The following RALGAPB variants were observed in gnomAD, a reference collection of about 807,000 sequenced individuals.
The protein encoded by RALGAPB is Ral GTPase activating protein non-catalytic subunit beta, also known as ral GTPase-activating protein subunit beta.
Under a neutral mutation model 161.1 loss-of-function variants are expected in RALGAPB, and 25 were observed. The observed-to-expected ratio is 0.16, with a 90% confidence interval of 0.11 to 0.22. RALGAPB has a LOEUF of 0.22. Among genes scored for constraint, RALGAPB ranks in the 10% least tolerant of loss-of-function variants. The pLI is 1.00. For missense variants in RALGAPB, 1,391 were observed against 1,815.2 expected, an observed-to-expected ratio of 0.77 and a Z score of 4.25; for synonymous variants, 629 against 626.1, an observed-to-expected ratio of 1.00 and a Z score of -0.07.
At chr20:38,516,922 T>C (rs2086143902) in intron 7 of RALGAPB, among the ~76,000 whole-genome samples, 1 of 152,220 alleles carries the variant, frequency 6.6e-6, no homozygotes, top group Admixed American at 6.5e-5. Flanking sequence ...AAAATATTTA[T>C]GTATACTTAT....
intron 18 of RALGAPB, among the ~76,000 whole-genome samples, chr20:38,542,659 C>T (rs2087009347): frequency 1.3e-5 from 2 of 152,078 alleles, no homozygotes; most frequent in South Asian, 4.1e-4. Context: ...GGGTGGATCA[C>T]AGGGTCAAGA....
At chr20:38,567,826 T>C (rs1483567386) in intron 26 of RALGAPB, among the ~76,000 whole-genome samples, 1 of 152,222 alleles carries the variant, frequency 6.6e-6, no homozygotes, top group Non-Finnish European at 1.5e-5. Context: ...TCCTCCATTG[T>C]ACAGGATTTT....
chr20:38,574,858 G>A lies in RALGAPB; in HGVS notation c.4376G>A (p.Arg1459Gln), dbSNP rs1601102692. 2 of 1,613,584 alleles carry A rather than the reference G, an allele frequency of 1.2e-6. No individual in the cohort carries two copies. The highest frequency in any genetic ancestry group is 1.7e-6 in the Non-Finnish European group (2 of 1,179,560). Reference protein sequence around the residue: ...SDSYSPPHVRRKQKITDIVNK... With the variant: ...SDSYSPPHVRQKQKITDIVNK... ...TCCTACAGTCCCCCCCATGTCCGCCGGAAACAGAAAATCACCGACATTGTC... is the reference window on the plus strand; with the variant it reads ...TCCTACAGTCCCCCCCATGTCCGCCAGAAACAGAAAATCACCGACATTGTC... The change falls in exon 30 of 30, where the codon CGG becomes CAG. Residue 1459 changes from arginine to glutamine, a missense_variant. Around this residue, in one of 3 missense-constraint regions of RALGAPB, gnomAD observed 436 missense variants for 527.0 expected, o/e 0.83. Transcript: ENST00000262879.
intron 18 of RALGAPB, among the ~76,000 whole-genome samples, chr20:38,542,126 A>G (rs946486376): frequency 2.6e-5 from 4 of 152,196 alleles, no homozygotes; most frequent in African/African-American, 9.6e-5. Flanking sequence ...ACCATAGTAC[A>G]CGTGGAAAGA....
intron 12 of RALGAPB, 93 bp downstream of exon 12, chr20:38,525,611 T>C (rs1438696230): frequency 9.8e-7 from 1 of 1,019,198 alleles, no homozygotes; most frequent in Admixed American, 2.4e-5. Flanking sequence ...CAGGAGCTTT[T>C]TTTATTTTTC....
At chr20:38,519,873 T>G (rs559855476) in intron 9 of RALGAPB, among the ~76,000 whole-genome samples, 1 of 152,340 alleles carries the variant, frequency 6.6e-6, no homozygotes, top group South Asian at 2.1e-4. Context: ...AAGTGTTTGC[T>G]TCTTTGAACT....
intron 4 of RALGAPB, 46 bp downstream of exon 4, chr20:38,497,562 C>T (rs186156711): frequency 1.9e-4 from 290 of 1,560,126 alleles, no homozygotes; most frequent in Admixed American, 5.4e-4. Context: ...GCTCCAAATA[C>T]AGTTCATCTT....
At chr20:38,559,514 G>A (rs190125644) in intron 23 of RALGAPB, among the ~76,000 whole-genome samples, 46 of 152,324 alleles carry the variant, frequency 3.0e-4, no homozygotes, top group African/African-American at 1.1e-3. Context: ...GGCCAACATG[G>A]TGGAACCCTG....
intron 2 of RALGAPB, among the ~76,000 whole-genome samples, chr20:38,490,805 C>T (rs1031420703): frequency 4.0e-5 from 6 of 151,628 alleles, no homozygotes; most frequent in Non-Finnish European, 8.8e-5. Flanking sequence ...CCACTGCACC[C>T]GGCCAATTTT....
chr20:38,511,350 T>G (rs1007881175), intron 6 of RALGAPB, among the ~76,000 whole-genome samples: 1 of 151,712 alleles, frequency 6.6e-6, no homozygotes, highest in Non-Finnish European at 1.5e-5. Flanking sequence ...TTTTTAGTAT[T>G]TATTGATCAT....
chr20:38,576,972 A>C lies in RALGAPB; in HGVS notation c.*2005A>C, dbSNP rs573245830. 133 of 152,750 alleles carry C rather than the reference A, an allele frequency of 8.7e-4. No individual in the cohort carries two copies. The highest frequency in any genetic ancestry group is 8.2e-4 in the Non-Finnish European group (56 of 68,038). The allele number at this position is 152,750 out of a possible 1,614,324, so 9.5% of individuals were successfully genotyped here. A position where few individuals can be genotyped will look rare whatever the true frequency, so the allele number is the denominator to read the frequency against. ...GTGTGTATGAGGGTTGGTCTTGCTG[A>C]TCCTTCAGTTAGCTCTAAATTCTGG... is the stretch of plus-strand genomic sequence containing the variant. On this transcript the variant is annotated 3_prime_UTR_variant, in exon 30 of 30. Coordinates refer to ENST00000262879, the MANE Select transcript of RALGAPB (RefSeq NM_020336.4).
chr20:38,498,538 A>G (rs1227233221), intron 4 of RALGAPB, among the ~76,000 whole-genome samples: 1 of 152,224 alleles, frequency 6.6e-6, no homozygotes, highest in African/African-American at 2.4e-5. Flanking sequence ...CAATAGCTGG[A>G]CAGTCATTGA....
At chr20:38,546,936 A>C (rs1040965024) in intron 19 of RALGAPB, 13 of 155,102 alleles carry the variant, frequency 8.4e-5, no homozygotes, top group African/African-American at 3.1e-4. Flanking sequence ...AATACATCCA[A>C]GTGCAGGTCC....
rs376811312 is a variant in RALGAPB, at chr20:38,574,788, C to A, written c.4306C>A (p.Gln1436Lys). The A allele has an allele frequency of 6.2e-7, 1 of 1,613,768 alleles. No individual in the cohort carries two copies. Among genetic ancestry groups the A allele is most frequent in the Non-Finnish European group, 8.5e-7 (1 of 1,179,662 alleles). Residue 1436 changes from glutamine to lysine, a missense_variant, in exon 30 of 30, where the codon CAG (glutamine) becomes AAG (lysine). Gln to Lys is a moderately conservative substitution (Grantham distance 53). Around this residue, in one of 3 missense-constraint regions of RALGAPB, gnomAD observed 436 missense variants for 527.0 expected, o/e 0.83. Coordinates refer to ENST00000262879, the MANE Select transcript of RALGAPB (RefSeq NM_020336.4). Reference sequence around the variant, plus strand: ...CTATTTTCAAGGCTTTCTGGTGAGGCAGACTGTAATTAACATTTGTAGAAG... The same window carrying A: ...CTATTTTCAAGGCTTTCTGGTGAGGAAGACTGTAATTAACATTTGTAGAAG... ...SRRALGFLVR[Q>K]TVINICRRKR... is the part of the protein sequence containing the mutation.
intron 16 of RALGAPB, among the ~76,000 whole-genome samples, chr20:38,538,699 A>G (rs776993936): frequency 3.9e-5 from 6 of 152,210 alleles, no homozygotes; most frequent in Non-Finnish European, 7.3e-5. Flanking sequence ...GGGAAATTCA[A>G]TTAAAACCAT....
intron 1 of RALGAPB, among the ~76,000 whole-genome samples, chr20:38,477,628 G>GT (rs146456751): frequency 3.6e-4 from 55 of 152,260 alleles, no homozygotes; most frequent in African/African-American, 1.2e-3. Flanking sequence ...AAAAAGCACA[G>GT]TTTATTTATT....
intron 21 of RALGAPB, among the ~76,000 whole-genome samples, chr20:38,552,556 A>G (rs1028861049): frequency 2.0e-5 from 3 of 152,204 alleles, no homozygotes; most frequent in Admixed American, 1.3e-4. Flanking sequence ...TAACACTGTA[A>G]GATGGGCAGT....
At position 38,518,025 on chromosome 20, in the gene RALGAPB, T is replaced by C. The variant is rs758406230; in HGVS notation, c.1417+25T>C. 4.5e-6 allele frequency: 7 copies of C among 1,564,310 alleles called. No homozygotes were observed. In the Middle Eastern group the frequency reaches 6.7e-4, roughly 150 times the overall value. ...GGTAAATATTACTCAAGAAATATGT[T>C]ATCATTATTTTCCTTTTCCTTTTTC... On this transcript the variant is annotated intron_variant, in intron 9 of 29. Transcript: ENST00000262879.
intron 6 of RALGAPB, among the ~76,000 whole-genome samples, chr20:38,514,401 G>A (rs187741357): frequency 4.6e-5 from 7 of 152,266 alleles, no homozygotes; most frequent in African/African-American, 2.4e-5. Flanking sequence ...TTCAGTTCAC[G>A]GGGGCTTTCC....
Sources: allele counts gnomAD v4.1 joint callset (sites outside exome capture counted in the v4.1 genomes callset), GRCh38; gene constraint gnomAD v4.1.1; regional missense constraint gnomAD v4.1.1; transcripts MANE v1.5; gene names NCBI Gene and HGNC (gene_info 2026-07-23, HGNC 2026-07-21).